Variants in LRRTM4 observed in about 807,000 individuals in gnomAD.
LRRTM4 encodes leucine-rich repeat transmembrane neuronal protein 4.
A neutral mutation model predicts 47.6 loss-of-function variants in LRRTM4; 25 were observed. The ratio of observed to expected loss-of-function variants is 0.53; its 90% CI spans 0.38 to 0.73. The LOEUF (loss-of-function observed/expected upper bound fraction) is 0.73. LRRTM4 is among the 30% of genes least tolerant of loss of function. The pLI, the probability that LRRTM4 is intolerant of heterozygous loss-of-function variation, is 0.00. For synonymous variants in LRRTM4, 311 were observed against 269.5 expected, an observed-to-expected ratio of 1.15 and a Z score of -1.51; for missense variants, 638 against 713.4, an observed-to-expected ratio of 0.89 and a Z score of 1.20.
chr2:77,500,026 T>C (rs114617355), intron 3 of LRRTM4, among the ~76,000 whole-genome samples: 2,697 of 151,720 alleles, frequency 0.018, 82 homozygotes, highest in African/African-American at 0.061. Flanking sequence ...TAGCTTAGAG[T>C]AGCATGTCTA....
chr2:76,961,916 T>C (rs1040688466), intron 3 of LRRTM4, among the ~76,000 whole-genome samples: 2 of 151,470 alleles, frequency 1.3e-5, no homozygotes, highest in South Asian at 4.1e-4. Context: ...CACTTGAACT[T>C]GGGTGATCTT....
At chr2:77,238,551 G>T in intron 3 of LRRTM4, among the ~76,000 whole-genome samples, 1 of 145,006 alleles carries the variant, frequency 6.9e-6, no homozygotes, top group African/African-American at 2.8e-5. Context: ...CAGGCACAAA[G>T]TAAACAAGCA....
At chr2:77,392,759 T>G (rs2103817885) in intron 3 of LRRTM4, among the ~76,000 whole-genome samples, 1 of 152,054 alleles carries the variant, frequency 6.6e-6, no homozygotes, top group East Asian at 1.9e-4. Flanking sequence ...GGACACAAAA[T>G]TTCAGTTACA....
intron 3 of LRRTM4, among the ~76,000 whole-genome samples, chr2:77,235,063 T>G (rs983245659): frequency 2.6e-5 from 4 of 152,158 alleles, no homozygotes; most frequent in African/African-American, 4.8e-5. Context: ...GATATTATTT[T>G]GTTCTTTTAC....
chr2:76,922,054 TATC>T (rs1184977596), intron 3 of LRRTM4, among the ~76,000 whole-genome samples: 1 of 152,098 alleles, frequency 6.6e-6, no homozygotes, highest in Admixed American at 6.6e-5. Context: ...ATAAACGCAA[TATC>T]ATTCAGCCTT....
chr2:77,462,716 T>G (rs148593067), intron 3 of LRRTM4, among the ~76,000 whole-genome samples: 1 of 152,180 alleles, frequency 6.6e-6, no homozygotes, highest in South Asian at 2.1e-4. Context: ...AGCAAAGGCT[T>G]TTAAACGGAA....
At chr2:77,090,698 A>G (rs960369962) in intron 3 of LRRTM4, among the ~76,000 whole-genome samples, 8 of 152,172 alleles carry the variant, frequency 5.3e-5, no homozygotes, top group African/African-American at 1.4e-4. Context: ...TCTGCAGCCC[A>G]GGATTCCTCC....
chr2:77,023,265 A>C (rs2121409), intron 3 of LRRTM4, among the ~76,000 whole-genome samples: 84,556 of 152,038 alleles, frequency 0.56, 25,706 homozygotes, highest in African/African-American at 0.81. Context: ...CCTGGCCCTG[A>C]CCATGAAACC....
intron 3 of LRRTM4, among the ~76,000 whole-genome samples, chr2:76,845,095 A>G (rs1175644644): frequency 6.6e-6 from 1 of 152,224 alleles, no homozygotes; most frequent in Non-Finnish European, 1.5e-5. Context: ...GTGATTTAAA[A>G]AAAGTTTAAA....
chr2:77,025,314 T>G (rs1678417154), intron 3 of LRRTM4, among the ~76,000 whole-genome samples: 1 of 152,184 alleles, frequency 6.6e-6, no homozygotes, highest in South Asian at 2.1e-4. Flanking sequence ...TTGCTGTTTA[T>G]CACAATATCT....
intron 3 of LRRTM4, among the ~76,000 whole-genome samples, chr2:76,754,248 G>T (rs939275373): frequency 3.3e-5 from 5 of 151,948 alleles, no homozygotes; most frequent in African/African-American, 1.2e-4. Flanking sequence ...TAACTTAGCT[G>T]TTATTCTACT....
At chr2:76,952,408 G>A (rs1396773984) in intron 3 of LRRTM4, among the ~76,000 whole-genome samples, 3 of 151,876 alleles carry the variant, frequency 2.0e-5, no homozygotes, top group Non-Finnish European at 4.4e-5. Flanking sequence ...CTCAAAAGAA[G>A]GCATACGTGT....
intron 3 of LRRTM4, among the ~76,000 whole-genome samples, chr2:76,817,510 G>C (rs982642161): frequency 1.3e-5 from 2 of 151,890 alleles, no homozygotes; most frequent in Non-Finnish European, 2.9e-5. Context: ...AAAAATACTA[G>C]TTATTTTTAA....
intron 3 of LRRTM4, among the ~76,000 whole-genome samples, chr2:77,230,396 AAG>A (rs1674930401): frequency 6.6e-6 from 1 of 152,146 alleles, no homozygotes; most frequent in South Asian, 2.1e-4. Flanking sequence ...CAGAGAGAAA[AAG>A]ATATAGAGAT....
At chr2:76,790,363 C>G (rs1489346399) in intron 3 of LRRTM4, among the ~76,000 whole-genome samples, 1 of 151,964 alleles carries the variant, frequency 6.6e-6, no homozygotes, top group Non-Finnish European at 1.5e-5. Flanking sequence ...ATTAGGAGTT[C>G]TAAATTTTCA....
chr2:77,365,134 G>A (rs1672392380), intron 3 of LRRTM4, among the ~76,000 whole-genome samples: 1 of 151,888 alleles, frequency 6.6e-6, no homozygotes, highest in Admixed American at 6.6e-5. Context: ...TCTTTTCACA[G>A]GTAAAATCCA....
chr2:76,928,912 T>C (rs1179302816), intron 3 of LRRTM4, among the ~76,000 whole-genome samples: 2 of 152,142 alleles, frequency 1.3e-5, no homozygotes, highest in Non-Finnish European at 2.9e-5. Context: ...TCTATGTTAC[T>C]CTATTTGATT....
At chr2:77,356,389 T>C (rs572512614) in intron 3 of LRRTM4, among the ~76,000 whole-genome samples, 1 of 152,058 alleles carries the variant, frequency 6.6e-6, no homozygotes, top group Admixed American at 6.5e-5. Flanking sequence ...TGAGAAATAA[T>C]AACTGAAAAT....
chr2:77,439,560 T>C (rs1675750776), intron 3 of LRRTM4, among the ~76,000 whole-genome samples: 1 of 152,168 alleles, frequency 6.6e-6, no homozygotes, highest in South Asian at 2.1e-4. Context: ...TGAGACAACA[T>C]TATTGCAAGG....
Sources: allele counts gnomAD v4.1 joint callset (sites outside exome capture counted in the v4.1 genomes callset), GRCh38; gene constraint gnomAD v4.1.1; transcripts MANE v1.5; gene names NCBI Gene and HGNC (gene_info 2026-07-23, HGNC 2026-07-21).